The following HOMER1 variants were observed in gnomAD, a reference collection of about 807,000 sequenced individuals.
HOMER1 encodes homer protein homolog 1.
Under a neutral mutation model 48.9 loss-of-function variants are expected in HOMER1, and 3 were observed. That is an observed-to-expected ratio of 0.06 (90% confidence interval 0.03 to 0.16). HOMER1 has a LOEUF of 0.16. Ranked by LOEUF, HOMER1 falls within the 10% of genes least tolerant of loss-of-function variation. The pLI is 1.00. For synonymous variants in HOMER1, 134 were observed against 146.4 expected, an observed-to-expected ratio of 0.92 and a Z score of 0.61; for missense variants, 247 against 411.4, an observed-to-expected ratio of 0.60 and a Z score of 3.46.
intron 1 of HOMER1, chr5:79,510,492 G>C: frequency 1.4e-6 from 1 of 706,790 alleles, no homozygotes; most frequent in Non-Finnish European, 2.6e-6. Flanking sequence ...CACAGAAATG[G>C]TATCAAGAAA....
intron 1 of HOMER1, among the ~76,000 whole-genome samples, chr5:79,503,091 T>G (rs1364224447): frequency 6.6e-6 from 1 of 152,116 alleles, no homozygotes; most frequent in Non-Finnish European, 1.5e-5. Flanking sequence ...CCAGCCTGCA[T>G]GTAACTTTTA....
intron 8 of HOMER1, among the ~76,000 whole-genome samples, chr5:79,384,872 T>C (rs1749069541): frequency 1.3e-5 from 2 of 151,800 alleles, no homozygotes; most frequent in African/African-American, 4.8e-5. Flanking sequence ...ATACATCCCA[T>C]CAACAGAATG....
intron 5 of HOMER1, among the ~76,000 whole-genome samples, chr5:79,403,848 T>G (rs947295053): frequency 6.6e-6 from 1 of 152,178 alleles, no homozygotes; most frequent in Non-Finnish European, 1.5e-5. Context: ...AAAATATTCC[T>G]AAAGTTTACT....
intron 1 of HOMER1, among the ~76,000 whole-genome samples, chr5:79,476,762 G>A (rs758300305): frequency 2.6e-5 from 4 of 152,106 alleles, no homozygotes; most frequent in African/African-American, 4.8e-5. Flanking sequence ...GAAGCTCCCC[G>A]AACCCTGTTA....
At chr5:79,435,635 T>A (rs184592131) in intron 5 of HOMER1, among the ~76,000 whole-genome samples, 37 of 151,720 alleles carry the variant, frequency 2.4e-4, no homozygotes, top group African/African-American at 8.2e-4. Flanking sequence ...ATTGAGACCA[T>A]CCTGGCTAAC....
At chr5:79,487,134 C>T (rs922307870) in intron 1 of HOMER1, among the ~76,000 whole-genome samples, 5 of 152,124 alleles carry the variant, frequency 3.3e-5, no homozygotes, top group South Asian at 2.1e-4. Flanking sequence ...CAAAAATTAG[C>T]CAAGCGTGGT....
At chr5:79,398,078 T>C (rs926630215) in intron 6 of HOMER1, among the ~76,000 whole-genome samples, 13 of 152,126 alleles carry the variant, frequency 8.5e-5, no homozygotes, top group African/African-American at 9.6e-5. Context: ...GAAGAGAAAA[T>C]AGGCTTAAAA....
At chr5:79,485,068 T>C (rs1211225061) in intron 1 of HOMER1, among the ~76,000 whole-genome samples, 1 of 139,184 alleles carries the variant, frequency 7.2e-6, no homozygotes, top group Non-Finnish European at 1.5e-5. Flanking sequence ...GTTAGAACTG[T>C]GTCAAAAGTA....
At chr5:79,474,774 A>C (rs1440435980) in intron 1 of HOMER1, among the ~76,000 whole-genome samples, 1 of 152,100 alleles carries the variant, frequency 6.6e-6, no homozygotes, top group African/African-American at 2.4e-5. Flanking sequence ...CTCTGCAGAA[A>C]CTGAAAGGTT....
At chr5:79,506,854 AAAT>A (rs1752786088) in intron 1 of HOMER1, among the ~76,000 whole-genome samples, 1 of 136,266 alleles carries the variant, frequency 7.3e-6, no homozygotes, top group African/African-American at 3.2e-5. Flanking sequence ...ACAAACAAAA[AAAT>A]ATATATATAT....
intron 1 of HOMER1, among the ~76,000 whole-genome samples, chr5:79,478,712 G>A (rs948512870): frequency 6.6e-6 from 1 of 152,090 alleles, no homozygotes; most frequent in Non-Finnish European, 1.5e-5. Context: ...AGCACTTTGG[G>A]AAGCTGAGGC....
Position 79,513,103 on chromosome 5 carries a change from AAT to A in HOMER1, c.-331_-330del. ...TCCGGCTTCACCGAGTCCTATAAAA[AAT>A]GAGTTCGCTGGTCATTTCACTCATG... On this transcript the variant is annotated 5_prime_UTR_variant, in exon 1 of 9. An upstream open reading frame in the 5' UTR gains an earlier in-frame stop. Transcript: ENST00000334082. The A allele has an allele frequency of 2.8e-6, 1 of 362,876 alleles. No individual in the cohort carries two copies. Among genetic ancestry groups the A allele is most frequent in the Middle Eastern group, 7.7e-4 (1 of 1,302 alleles). 22.5% of individuals were successfully genotyped at this position (362,876 alleles called of 1,614,324 possible). A position where few individuals can be genotyped will look rare whatever the true frequency, so the allele number is the denominator to read the frequency against.
chr5:79,467,781 C>T (rs540970430), intron 1 of HOMER1, among the ~76,000 whole-genome samples: 6 of 152,056 alleles, frequency 3.9e-5, no homozygotes, highest in Admixed American at 2.6e-4. Context: ...TAATATAGGC[C>T]GGTGTTTTGT....
At chr5:79,493,682 T>C (rs1294619609) in intron 1 of HOMER1, among the ~76,000 whole-genome samples, 1 of 152,226 alleles carries the variant, frequency 6.6e-6, no homozygotes, top group Non-Finnish European at 1.5e-5. Context: ...CTGTGCTCCA[T>C]ATTGCATTCT....
At chr5:79,503,917 G>A (rs1303847042) in intron 1 of HOMER1, among the ~76,000 whole-genome samples, 1 of 152,170 alleles carries the variant, frequency 6.6e-6, no homozygotes, top group Non-Finnish European at 1.5e-5. Context: ...GCATTTAAGT[G>A]AACCTACACA....
intron 5 of HOMER1, among the ~76,000 whole-genome samples, chr5:79,410,489 CAAAA>C (rs59290866): frequency 2.9e-5 from 3 of 105,152 alleles, no homozygotes; most frequent in Non-Finnish European, 4.2e-5. Context: ...AACTCTATCT[CAAAA>C]AAAAAAAAAA....
intron 1 of HOMER1, among the ~76,000 whole-genome samples, chr5:79,478,459 C>T (rs948133515): frequency 5.3e-5 from 8 of 151,834 alleles, no homozygotes; most frequent in African/African-American, 1.7e-4. Flanking sequence ...GAGGCCGAGG[C>T]GGGCGGATTG....
chr5:79,428,902 A>C (rs371314517), intron 5 of HOMER1, among the ~76,000 whole-genome samples: 1 of 152,212 alleles, frequency 6.6e-6, no homozygotes, highest in South Asian at 2.1e-4. Flanking sequence ...TCCTTATCAG[A>C]ATCCCAACTG....
Position 79,461,284 on chromosome 5 carries a change from T to C in HOMER1, c.6-4266A>G, listed in dbSNP as rs1026648376. On this transcript the variant is annotated intron_variant, in intron 1 of 8. Transcript: ENST00000334082. ...CTTAATCTCTTAAAAAGACCTGTAA[T>C]ACATTTGAAATTGATTGTTCAAGTG... 5.3e-5 allele frequency among the ~76,000 whole-genome samples: 8 copies of C among 152,342 alleles called. No homozygotes were observed. The East Asian group carries it at 1.5e-3, about 29-fold the overall frequency.
Sources: allele counts gnomAD v4.1 joint callset (sites outside exome capture counted in the v4.1 genomes callset), GRCh38; gene constraint gnomAD v4.1.1; transcripts MANE v1.5; gene names NCBI Gene and HGNC (gene_info 2026-07-23, HGNC 2026-07-21).